The following ADGB variants were observed in gnomAD, a reference collection of about 807,000 sequenced individuals.
ADGB encodes calpain-7-like protein.
A neutral mutation model predicts 210.5 loss-of-function variants in ADGB; 172 were observed. The ratio of observed to expected loss-of-function variants is 0.82; its 90% CI spans 0.72 to 0.93. ADGB has a LOEUF of 0.93. ADGB is among the 40% of genes least tolerant of loss of function. ADGB has a pLI of 0.00. For synonymous variants in ADGB, 658 were observed against 662.7 expected (o/e 0.99, Z 0.11); for missense variants, 2,025 against 1,964.8 (o/e 1.03, Z -0.58).
In ADGB at chr6:146,635,616, G is replaced by A. The variant is rs912350021; in HGVS notation, c.237+79G>A. 18 of 1,354,096 alleles carry A rather than the reference G, an allele frequency of 1.3e-5. 2 individuals are homozygous for A. The South Asian group carries it at 2.5e-4, about 18-fold the overall frequency. 83.9% of individuals were successfully genotyped at this position (1,354,096 alleles called of 1,614,324 possible). A position where few individuals can be genotyped will look rare whatever the true frequency, so the allele number is the denominator to read the frequency against. On this transcript the variant is annotated intron_variant, in intron 2 of 35. Transcript: ENST00000397944. ...GAATGAGATTTGTAAACATAAAAAG[G>A]TATTCATTCTTCTCCATAATGTGCA...
At position 146,689,947 on chromosome 6, in the gene ADGB, G is replaced by T. The variant is rs1386175281; in HGVS notation, c.1312-1169G>T. Among the ~76,000 whole-genome samples the T allele has an allele frequency of 3.9e-5, 6 of 152,036 alleles. No individual in the cohort carries two copies. The East Asian group carries it at 1.2e-3, about 29-fold the overall frequency. ...GTTAAGTTGCTAAAATATACCAAAG[G>T]GATAAAAAGAAAATGACAGTTTCCT... On this transcript the variant is annotated intron_variant, in intron 10 of 35. Transcript: ENST00000397944.
At chr6:146,794,629 T>C (rs1285125809) in intron 33 of ADGB, among the ~76,000 whole-genome samples, 2 of 151,922 alleles carry the variant, frequency 1.3e-5, no homozygotes, top group Non-Finnish European at 2.9e-5. Context: ...AATTAAATAG[T>C]TAAGGAAAGG....
intron 6 of ADGB, among the ~76,000 whole-genome samples, chr6:146,665,489 G>A (rs758491555): frequency 4.0e-4 from 61 of 151,668 alleles, no homozygotes; most frequent in Non-Finnish European, 7.7e-4. Context: ...TCATTTATTT[G>A]GGAAAAAAAA....
chr6:146,788,587 A>C lies in ADGB; in HGVS notation c.4514A>C (p.Gln1505Pro). 1.3e-6 allele frequency: 2 copies of C among 1,551,812 alleles called. No homozygotes were observed. The highest frequency in any genetic ancestry group is 2.4e-5 in the South Asian group (2 of 84,058). Reference protein sequence around the residue: ...VSSPGKEEREQSTRKENIQTG... With the variant: ...VSSPGKEEREPSTRKENIQTG... Reference sequence around the variant, plus strand: ...TCACCAGGGAAAGAAGAGCGCGAGCAGAGCACACGGAAGGAAAACATTCGT... The same window carrying C: ...TCACCAGGGAAAGAAGAGCGCGAGCCGAGCACACGGAAGGAAAACATTCGT... Residue 1505 changes from glutamine to proline, a missense_variant, in exon 33 of 36, where the codon CAG becomes CCG. Coordinates refer to ENST00000397944, the MANE Select transcript of ADGB (RefSeq NM_024694.4).
At chr6:146,687,997 G>T (rs1776255539) in intron 10 of ADGB, among the ~76,000 whole-genome samples, 1 of 151,974 alleles carries the variant, frequency 6.6e-6, no homozygotes, top group Non-Finnish European at 1.5e-5. Context: ...TAAGACTAAA[G>T]ACTAAAAACT....
At chr6:146,723,255 G>A (rs1776846685) in intron 17 of ADGB, among the ~76,000 whole-genome samples, 1 of 152,228 alleles carries the variant, frequency 6.6e-6, no homozygotes, top group East Asian at 1.9e-4. Context: ...AGGTAATGTT[G>A]TGACCTTATG....
chr6:146,776,490 C>T (rs1378555896), intron 29 of ADGB, among the ~76,000 whole-genome samples: 2 of 151,832 alleles, frequency 1.3e-5, no homozygotes, highest in African/African-American at 4.8e-5. Flanking sequence ...TAAATTACGC[C>T]ATTAAAAATT....
chr6:146,600,926 GCACACACACACACACA>G (rs35082520), intron 1 of ADGB, among the ~76,000 whole-genome samples: 4 of 144,452 alleles, frequency 2.8e-5, no homozygotes, highest in Admixed American at 6.8e-5. Flanking sequence ...TCCCCCATGC[GCACACACACACACACA>G]CACACACACA....
At chr6:146,753,302 C>CT (rs1169361813) in intron 27 of ADGB, among the ~76,000 whole-genome samples, 6 of 152,080 alleles carry the variant, frequency 3.9e-5, no homozygotes, top group African/African-American at 4.8e-5. Context: ...AATATTTTAG[C>CT]TTTTTTGCCA....
intron 33 of ADGB, among the ~76,000 whole-genome samples, chr6:146,799,155 A>C (rs1778087366): frequency 6.6e-6 from 1 of 151,904 alleles, no homozygotes; most frequent in South Asian, 2.1e-4. Context: ...AAGACTCTAC[A>C]AAAAAACCTA....
chr6:146,625,983 TG>T (rs1179181681), intron 1 of ADGB, among the ~76,000 whole-genome samples: 1 of 152,072 alleles, frequency 6.6e-6, no homozygotes, highest in Non-Finnish European at 1.5e-5. Flanking sequence ...CTCTCTTTCT[TG>T]TGTTCTTATC....
intron 30 of ADGB, among the ~76,000 whole-genome samples, chr6:146,782,980 A>G (rs912578): frequency 0.016 from 2,474 of 152,292 alleles, 50 homozygotes; most frequent in African/African-American, 0.056. Flanking sequence ...GCACATTAAC[A>G]TGATCAGATT....
At chr6:146,685,923 A>C in intron 10 of ADGB, 95 bp downstream of exon 10, 1 of 667,714 alleles carries the variant, frequency 1.5e-6, no homozygotes, top group Middle Eastern at 3.0e-4. Context: ...GGCACATGAA[A>C]ATTTAATTAA....
rs554506412 is a variant in ADGB at position 146,734,000 on chromosome 6, G to A, written c.2764G>A (p.Val922Ile). The A allele has an allele frequency of 1.0e-4, 159 of 1,551,386 alleles. 3 individuals carry two copies. In the South Asian group the frequency reaches 1.4e-3, roughly 14 times the overall value. The change falls in exon 22 of 36, where the codon GTT (valine) becomes ATT (isoleucine). Residue 922 changes from valine (V) to isoleucine (I), a missense_variant. By Grantham distance (29) the Val-to-Ile change is conservative (BLOSUM62 3). Transcript: ENST00000397944. ...KIQAMWRGTY[V>I]RLLMKARIPD... ...TCAAGCCATGTGGAGAGGAACTTACGTTAGATTGCTTATGAAAGCCAGAAT... is the reference window on the plus strand; with the variant it reads ...TCAAGCCATGTGGAGAGGAACTTACATTAGATTGCTTATGAAAGCCAGAAT...
intron 2 of ADGB, among the ~76,000 whole-genome samples, chr6:146,643,709 A>T (rs1775554465): frequency 6.6e-6 from 1 of 151,906 alleles, no homozygotes; most frequent in African/African-American, 2.4e-5. Flanking sequence ...TGTTATGCAG[A>T]TGTTCACAGC....
At chr6:146,706,846 T>TTTTG (rs574994564) in intron 13 of ADGB, among the ~76,000 whole-genome samples, 1 of 18,586 alleles carries the variant, frequency 5.4e-5, no homozygotes, top group Non-Finnish European at 1.3e-4. Flanking sequence ...CAGCTTAGTG[T>TTTTG]TTTTTTTTTT....
At chr6:146,813,584 T>C (rs1778334943) in intron 35 of ADGB, among the ~76,000 whole-genome samples, 1 of 152,026 alleles carries the variant, frequency 6.6e-6, no homozygotes, top group Admixed American at 6.6e-5. Context: ...ATATTCTGTT[T>C]AGATTCACTG....
intron 13 of ADGB, among the ~76,000 whole-genome samples, chr6:146,707,406 G>C (rs942510349): frequency 9.2e-5 from 14 of 152,070 alleles, no homozygotes; most frequent in African/African-American, 2.9e-4. Flanking sequence ...TTGTCTGGAT[G>C]AGCTATCCTT....
intron 27 of ADGB, among the ~76,000 whole-genome samples, chr6:146,760,628 T>A (rs965107794): frequency 6.6e-6 from 1 of 151,898 alleles, no homozygotes; most frequent in Admixed American, 6.6e-5. Flanking sequence ...TATTCAGGAG[T>A]TGAATTAGTA....
Sources: gnomAD v4.1 joint callset for allele counts (sites outside exome capture counted in the v4.1 genomes callset) on GRCh38, gnomAD v4.1.1 for gene constraint, MANE v1.5 for transcripts, NCBI Gene and HGNC (gene_info 2026-07-23, HGNC 2026-07-21) for gene names.